IL19: variants seen among roughly 807,000 people sequenced by gnomAD.
IL19 encodes interleukin 19.
A neutral mutation model predicts 19.5 loss-of-function variants in IL19; 15 were observed. The ratio of observed to expected loss-of-function variants is 0.77; its 90% CI spans 0.52 to 1.19. The LOEUF is 1.19. IL19 is among the 50% of genes most tolerant of loss of function. The probability of loss-of-function intolerance (pLI) is 0.00; values close to 1 mark genes in which losing one functional copy is unlikely to be tolerated. For synonymous variants in IL19, 78 were observed against 78.3 expected, an observed-to-expected ratio of 1.00 and a Z score of 0.02; for missense variants, 199 against 213.1, an observed-to-expected ratio of 0.93 and a Z score of 0.41.
At chr1:206,826,568 G>A (rs1676438624) in intron 2 of IL19, among the ~76,000 whole-genome samples, 1 of 152,286 alleles carries the variant, frequency 6.6e-6, no homozygotes, top group East Asian at 1.9e-4. Context: ...TCTGCAGCAG[G>A]CCAGCAGCCT....
chr1:206,830,577 T>TA (rs1676568784), intron 2 of IL19, among the ~76,000 whole-genome samples: 1 of 150,022 alleles, frequency 6.7e-6, no homozygotes, highest in Admixed American at 6.6e-5. Flanking sequence ...ATTATCAGTT[T>TA]TATATATATA....
At chr1:206,813,200 A>C (rs7540516) in intron 2 of IL19, among the ~76,000 whole-genome samples, 45,542 of 152,024 alleles carry the variant, frequency 0.3, 7,052 homozygotes, top group East Asian at 0.41. Flanking sequence ...GGACCCTAAA[A>C]ACCACATTTC....
At chr1:206,840,270 G>A in intron 5 of IL19, 1 of 606,178 alleles carries the variant, frequency 1.6e-6, no homozygotes, top group Non-Finnish European at 3.1e-6. Context: ...TTAGTAAGAG[G>A]CATGGCAAGG....
intron 1 of IL19, among the ~76,000 whole-genome samples, chr1:206,795,814 T>G (rs1675508231): frequency 6.6e-6 from 1 of 152,144 alleles, no homozygotes; most frequent in East Asian, 1.9e-4. Context: ...TTTTTATTCC[T>G]TCTATTAACA....
At chr1:206,828,676 AC>A (rs1676503537) in intron 2 of IL19, among the ~76,000 whole-genome samples, 1 of 152,214 alleles carries the variant, frequency 6.6e-6, no homozygotes, top group Middle Eastern at 3.2e-3. Flanking sequence ...GAAGAAGGAA[AC>A]AAAAAGTTGT....
chr1:206,834,359 G>A, intron 2 of IL19: 3 of 985,654 alleles, frequency 3.0e-6, no homozygotes, highest in Non-Finnish European at 3.6e-6. Context: ...AGAGAGCACT[G>A]AGAGGAGACA....
chr1:206,809,124 C>T (rs1675934996), intron 2 of IL19, among the ~76,000 whole-genome samples: 1 of 152,142 alleles, frequency 6.6e-6, no homozygotes, highest in Non-Finnish European at 1.5e-5. Context: ...GGTGTTGCCC[C>T]CACTGCTTCA....
In IL19 at chr1:206,820,133, A is replaced by G. The variant is rs1676258245; in HGVS notation, c.-2-16528A>G. Among the ~76,000 whole-genome samples, 4 of 152,282 alleles carry G rather than the reference A, an allele frequency of 2.6e-5. No homozygotes were observed. The South Asian group carries it at 8.3e-4, about 32-fold the overall frequency. On this transcript the variant is annotated intron_variant, in intron 2 of 6. Transcript: ENST00000659997. ...AATATTTTAGGATCCTCATCCTGTC[A>G]TTCCATATGCTCACTCGCCTTCCAA...
At chr1:206,808,915 G>A (rs893078473) in intron 2 of IL19, among the ~76,000 whole-genome samples, 1 of 152,118 alleles carries the variant, frequency 6.6e-6, no homozygotes, top group Non-Finnish European at 1.5e-5. Flanking sequence ...GCCTGGGTGG[G>A]ACATCATGAG....
At chr1:206,780,013 C>T (rs2102447070) in intron 1 of IL19, among the ~76,000 whole-genome samples, 1 of 152,096 alleles carries the variant, frequency 6.6e-6, no homozygotes, top group South Asian at 2.1e-4. Flanking sequence ...TCTCCTATCA[C>T]AGGGCCTTTG....
At chr1:206,776,429 T>G (rs1011513048) in intron 1 of IL19, among the ~76,000 whole-genome samples, 42 of 146,798 alleles carry the variant, frequency 2.9e-4, no homozygotes, top group South Asian at 6.6e-4. Flanking sequence ...ACTGCTGGGG[T>G]GTGTGTGTGT....
Position 206,832,570 on chromosome 1 carries a change from T to C in IL19, c.-2-4091T>C, listed in dbSNP as rs534874040. Among the ~76,000 whole-genome samples the C allele has an allele frequency of 1.3e-4, 20 of 152,362 alleles. No individual in the cohort carries two copies. The South Asian group carries it at 3.7e-3, about 28-fold the overall frequency. On this transcript the variant is annotated intron_variant, in intron 2 of 6. Transcript: ENST00000659997. The stretch of plus-strand genomic sequence containing the variant: ...AGATATAGCTGATTAATCATTATTA[T>C]GAAATGCCTCTTTCTTCTGGGTCTT...
intron 2 of IL19, among the ~76,000 whole-genome samples, chr1:206,814,893 G>C (rs1310902452): frequency 6.6e-6 from 1 of 152,162 alleles, no homozygotes; most frequent in Non-Finnish European, 1.5e-5. Context: ...CTGGATCACA[G>C]CAGAAGTTAC....
At chr1:206,803,367 T>A (rs1675765385) in intron 2 of IL19, among the ~76,000 whole-genome samples, 1 of 151,974 alleles carries the variant, frequency 6.6e-6, no homozygotes, top group African/African-American at 2.4e-5. Context: ...GTGGTTAGAG[T>A]AGCAACGTGA....
In IL19 at chr1:206,841,024, C is replaced by T; in HGVS notation, c.384C>T (p.His128=). The change falls in exon 6 of 7, where the codon CAC becomes CAT. Residue 128 remains histidine, a synonymous_variant. Coordinates refer to ENST00000659997, the MANE Select transcript of IL19 (RefSeq NM_153758.5). ...LRQCQEQRQC[H]CRQEATNATR... ...CACAGCAGGAACAGAGGCAGTGTCA[C>T]TGCAGGCAGGAAGCCACCAATGCCA... 1 of 1,614,084 alleles carries T rather than the reference C, an allele frequency of 6.2e-7. No homozygotes were observed. Among genetic ancestry groups the T allele is most frequent in the Non-Finnish European group, 8.5e-7 (1 of 1,179,920 alleles).
chr1:206,809,401 C>T (rs12042745), intron 2 of IL19, among the ~76,000 whole-genome samples: 45,713 of 152,002 alleles, frequency 0.3, 7,121 homozygotes, highest in East Asian at 0.41. Context: ...TGTCTGTGGG[C>T]CTGACCTCCA....
intron 1 of IL19, among the ~76,000 whole-genome samples, chr1:206,784,231 G>A (rs1675212684): frequency 6.6e-6 from 1 of 152,086 alleles, no homozygotes; most frequent in Admixed American, 6.5e-5. Flanking sequence ...TAATCCAAGG[G>A]CTTGCCAGAG....
chr1:206,803,164 C>T (rs1675759588), intron 2 of IL19, among the ~76,000 whole-genome samples: 1 of 151,936 alleles, frequency 6.6e-6, no homozygotes, highest in South Asian at 2.1e-4. Context: ...TTTAAAATAG[C>T]ACCCCAGAGA....
intron 1 of IL19, among the ~76,000 whole-genome samples, chr1:206,781,441 A>G (rs927910022): frequency 4.0e-5 from 6 of 150,122 alleles, no homozygotes; most frequent in South Asian, 2.1e-4. Flanking sequence ...AAAAAAAAGA[A>G]AAAAAAAGAA....
Sources: allele counts gnomAD v4.1 joint callset (sites outside exome capture counted in the v4.1 genomes callset), GRCh38; gene constraint gnomAD v4.1.1; transcripts MANE v1.5; gene names NCBI Gene and HGNC (gene_info 2026-07-23, HGNC 2026-07-21).